The following TANC1 variants were observed in gnomAD, a reference collection of about 807,000 sequenced individuals.
The protein encoded by TANC1 is tetratricopeptide repeat, ankyrin repeat and coiled-coil containing 1.
TANC1 carries 77 observed loss-of-function variants against 149.7 expected under a neutral mutation model. That is an observed-to-expected ratio of 0.51 (90% confidence interval 0.43 to 0.62). TANC1 has a LOEUF of 0.62. Among genes scored for constraint, TANC1 ranks in the 20% least tolerant of loss-of-function variants. The pLI, the probability that TANC1 is intolerant of heterozygous loss-of-function variation, is 0.00. For missense variants in TANC1, 1,985 were observed against 2,321.8 expected, an observed-to-expected ratio of 0.85 and a Z score of 2.98; for synonymous variants, 854 against 925.0, an observed-to-expected ratio of 0.92 and a Z score of 1.39.
chr2:159,087,911 A>T (rs1324245701), intron 3 of TANC1, among the ~76,000 whole-genome samples: 1 of 148,910 alleles, frequency 6.7e-6, no homozygotes, highest in Non-Finnish European at 1.5e-5. Context: ...ACACAGAGGG[A>T]GAATGTGATG....
intron 4 of TANC1, among the ~76,000 whole-genome samples, chr2:159,108,099 A>G (rs961810375): frequency 1.3e-5 from 2 of 152,192 alleles, no homozygotes; most frequent in Admixed American, 6.5e-5. Context: ...TTGGTTGAAA[A>G]TACTAATGGA....
chr2:159,190,633 C>A (rs946255269), intron 16 of TANC1, among the ~76,000 whole-genome samples: 1 of 152,110 alleles, frequency 6.6e-6, no homozygotes, highest in Non-Finnish European at 1.5e-5. Flanking sequence ...CTCACTGCAA[C>A]CTCCGCCTCC....
chr2:159,132,371 G>T (rs192765463), intron 4 of TANC1, among the ~76,000 whole-genome samples: 2 of 152,152 alleles, frequency 1.3e-5, no homozygotes, highest in East Asian at 3.9e-4. Context: ...GTCTTTGTGC[G>T]TGGATTTTCC....
At chr2:159,067,149 C>T (rs933251803) in intron 3 of TANC1, among the ~76,000 whole-genome samples, 1 of 152,172 alleles carries the variant, frequency 6.6e-6, no homozygotes, top group African/African-American at 2.4e-5. Flanking sequence ...AAAGATCTTG[C>T]AATGCCTTGT....
chr2:159,101,472 G>T (rs930539395), intron 4 of TANC1, among the ~76,000 whole-genome samples: 17 of 150,462 alleles, frequency 1.1e-4, no homozygotes, highest in African/African-American at 4.2e-4. Context: ...TCATATTGAG[G>T]TTATTATTTT....
chr2:159,134,021 A>T (rs1480361605), intron 4 of TANC1, among the ~76,000 whole-genome samples: 2 of 152,162 alleles, frequency 1.3e-5, no homozygotes, highest in African/African-American at 4.8e-5. Context: ...TTTTGAACAG[A>T]ATTTCTTAGA....
intron 4 of TANC1, among the ~76,000 whole-genome samples, chr2:159,115,356 G>T (rs2048140124): frequency 6.6e-6 from 1 of 152,136 alleles, no homozygotes. Flanking sequence ...TTGAGACTGG[G>T]ACTCCTTGAG....
At position 158,994,819 on chromosome 2, in the gene TANC1, A is replaced by G. The variant is rs1216996090; in HGVS notation, c.-125-6261A>G. Among the ~76,000 whole-genome samples the G allele has an allele frequency of 3.3e-5, 5 of 152,342 alleles. No individual in the cohort carries two copies. In the South Asian group the frequency reaches 6.2e-4, roughly 19 times the overall value. ...ATATGCTTTAGGTTTTAAAGTTGCA[A>G]TCTTGACATCATGTATGAATTATCT... is the stretch of plus-strand genomic sequence containing the variant. On this transcript the variant is annotated intron_variant, in intron 1 of 26. Coordinates refer to ENST00000263635, the MANE Select transcript of TANC1 (RefSeq NM_033394.3).
intron 2 of TANC1, among the ~76,000 whole-genome samples, chr2:159,013,030 T>C (rs1479245551): frequency 6.6e-6 from 1 of 152,156 alleles, no homozygotes; most frequent in Admixed American, 6.6e-5. Flanking sequence ...GATGGAGAAA[T>C]TGGAGAAGGT....
Position 159,015,860 on chromosome 2 carries a change from T to G in TANC1, c.-16+14671T>G, listed in dbSNP as rs573952365. On this transcript the variant is annotated intron_variant, in intron 2 of 26. Coordinates refer to ENST00000263635, the MANE Select transcript of TANC1 (RefSeq NM_033394.3). ...TGAGTCCATGCCAGCCTGGATTTCA[T>G]TGTCCATATCATTATCAGTGTATTT... Among the ~76,000 whole-genome samples, 91 of 152,328 alleles carry G rather than the reference T, an allele frequency of 6.0e-4. 1 individual carries two copies. The South Asian group carries it at 0.017, about 29-fold the overall frequency.
At chr2:159,120,963 CCTTAA>C (rs551199601) in intron 4 of TANC1, among the ~76,000 whole-genome samples, 97 of 150,880 alleles carry the variant, frequency 6.4e-4, no homozygotes, top group Non-Finnish European at 1.3e-3. Flanking sequence ...ATCTCAGGAT[CCTTAA>C]CTTAGTCACA....
At chr2:159,119,980 C>T (rs1019362067) in intron 4 of TANC1, among the ~76,000 whole-genome samples, 4 of 152,174 alleles carry the variant, frequency 2.6e-5, no homozygotes, top group Non-Finnish European at 5.9e-5. Flanking sequence ...GCAAGCCCAG[C>T]CTTCATACTG....
chr2:159,101,632 G>T (rs1205101589), intron 4 of TANC1, among the ~76,000 whole-genome samples: 1 of 152,018 alleles, frequency 6.6e-6, no homozygotes, highest in Non-Finnish European at 1.5e-5. Context: ...CATTAAAGTA[G>T]TTCTGTGGCA....
chr2:159,133,799 G>T (rs539396098), intron 4 of TANC1, among the ~76,000 whole-genome samples: 2 of 152,276 alleles, frequency 1.3e-5, no homozygotes, highest in East Asian at 3.9e-4. Context: ...ACCGCCAAGT[G>T]ATTAAATACT....
chr2:159,194,069 C>G (rs1490851483), intron 16 of TANC1, among the ~76,000 whole-genome samples, 188 bp from the exon 17 acceptor site: 1 of 152,154 alleles, frequency 6.6e-6, no homozygotes, highest in Non-Finnish European at 1.5e-5. Context: ...TCCCAGTAAG[C>G]TACACTATTT....
At chr2:159,169,759 G>A (rs548702284) in intron 9 of TANC1, among the ~76,000 whole-genome samples, 7 of 152,200 alleles carry the variant, frequency 4.6e-5, no homozygotes, top group South Asian at 2.1e-4. Flanking sequence ...TTGAGAGGCC[G>A]AGGCAGGTGG....
At chr2:158,993,624 T>C (rs1352650453) in intron 1 of TANC1, among the ~76,000 whole-genome samples, 1 of 152,228 alleles carries the variant, frequency 6.6e-6, no homozygotes, top group Non-Finnish European at 1.5e-5. Context: ...CCTTGAACTT[T>C]CAACTCTTAA....
chr2:159,193,506 G>A (rs922809697), intron 16 of TANC1, among the ~76,000 whole-genome samples: 20 of 152,032 alleles, frequency 1.3e-4, no homozygotes, highest in Non-Finnish European at 2.5e-4. Flanking sequence ...TCACATGGCC[G>A]TTCTATTGTT....
intron 22 of TANC1, among the ~76,000 whole-genome samples, chr2:159,221,111 G>T (rs970838718): frequency 6.6e-6 from 1 of 152,196 alleles, no homozygotes; most frequent in Non-Finnish European, 1.5e-5. Context: ...GGCACTTTGG[G>T]AGGCCAAGAT....
Sources: allele counts gnomAD v4.1 joint callset (sites outside exome capture counted in the v4.1 genomes callset), GRCh38; gene constraint gnomAD v4.1.1; transcripts MANE v1.5; gene names NCBI Gene and HGNC (gene_info 2026-07-23, HGNC 2026-07-21).